The following RYR2 variants were observed in gnomAD, a reference collection of about 807,000 sequenced individuals.
The protein encoded by RYR2 is ryanodine receptor 2, also known as cardiac muscle ryanodine receptor-calcium release channel.
RYR2 carries 227 observed loss-of-function variants against 601.1 expected under a neutral mutation model. The ratio of observed to expected loss-of-function variants is 0.38; its 90% CI spans 0.34 to 0.42. RYR2 has a LOEUF of 0.42. RYR2 is among the 10% of genes least tolerant of loss of function. The pLI is 1.00. For synonymous variants in RYR2, 2,223 were observed against 2,175.1 expected, an observed-to-expected ratio of 1.02 and a Z score of -0.61; for missense variants, 4,646 against 6,156.5, an observed-to-expected ratio of 0.75 and a Z score of 8.21.
At chr1:237,522,480 C>A (rs979648513) in intron 24 of RYR2, among the ~76,000 whole-genome samples, 1 of 152,210 alleles carries the variant, frequency 6.6e-6, no homozygotes, top group Non-Finnish European at 1.5e-5. Flanking sequence ...TTCCTTGACT[C>A]AACAATTTTA....
At chr1:237,159,026 G>A (rs563339902) in intron 1 of RYR2, among the ~76,000 whole-genome samples, 87 of 152,304 alleles carry the variant, frequency 5.7e-4, no homozygotes, top group African/African-American at 1.9e-3. Flanking sequence ...AGTGGCTCAC[G>A]CCTATTACAT....
At chr1:237,181,065 C>A (rs1558380847) in intron 1 of RYR2, among the ~76,000 whole-genome samples, 1 of 151,854 alleles carries the variant, frequency 6.6e-6, no homozygotes, top group Non-Finnish European at 1.5e-5. Context: ...CTCATTGCAA[C>A]CTCCACCTCC....
At chr1:237,277,626 T>A (rs1401340542) in intron 2 of RYR2, among the ~76,000 whole-genome samples, 1 of 152,024 alleles carries the variant, frequency 6.6e-6, no homozygotes, top group Non-Finnish European at 1.5e-5. Flanking sequence ...TTAGGCGAGG[T>A]TTGGTCTCTA....
At position 237,700,261 on chromosome 1, in the gene RYR2, A is replaced by G. The variant is rs794728824; in HGVS notation, c.9161A>G (p.Lys3054Arg). The G allele has an allele frequency of 6.3e-7, 1 of 1,578,380 alleles. No homozygotes were observed. The change falls in exon 65 of 105, where the codon AAA (lysine) becomes AGA (arginine). Residue 3054 changes from lysine to arginine, a missense_variant. Transcript: ENST00000366574. The stretch of plus-strand genomic sequence containing the variant: ...ATGAAGACTGGCCTGGAGAGTGTTA[A>G]AAGTGCACTCAGAGCTTTTCTGGAC... ...TVMKTGLESV[K>R]SALRAFLDNA...
intron 1 of RYR2, among the ~76,000 whole-genome samples, chr1:237,221,194 TA>T (rs1327902800): frequency 2.6e-5 from 4 of 152,240 alleles, no homozygotes; most frequent in African/African-American, 9.6e-5. Context: ...CTCATATGTT[TA>T]TATTTTTGAA....
chr1:237,650,225 TC>T, intron 50 of RYR2, 128 bp downstream of exon 50: 1 of 835,710 alleles, frequency 1.2e-6, no homozygotes, highest in Non-Finnish European at 1.9e-6. Context: ...TTTTAGGTAG[TC>T]CCATATACTG....
In RYR2 at chr1:237,791,441, C is replaced by T. The variant is rs121918600; in HGVS notation, c.13489C>T (p.Arg4497Cys). Residue 4497 changes from arginine (R) to cysteine (C), a missense_variant, in exon 93 of 105, where the codon CGC (arginine) becomes TGC (cysteine). Arg to Cys is a radical substitution (Grantham distance 180). Transcript: ENST00000366574. ...TTTTCACCCTCAGAACTATTTTGCTCGCAACTTTTACAACATGAGAATGTT... is the reference window on the plus strand; with the variant it reads ...TTTTCACCCTCAGAACTATTTTGCTTGCAACTTTTACAACATGAGAATGTT... ...YQQKLLNYFA[R>C]NFYNMRMLAL... 1.9e-6 allele frequency: 3 copies of T among 1,570,344 alleles called. No individual in the cohort carries two copies. The highest frequency in any genetic ancestry group is 1.8e-5 in the Admixed American group (1 of 54,448).
chr1:237,697,316 G>C (rs188195967), intron 63 of RYR2, among the ~76,000 whole-genome samples: 2 of 141,240 alleles, frequency 1.4e-5, no homozygotes, highest in South Asian at 2.5e-4. Context: ...GTTTCTGTAG[G>C]TGTGTGTGTG....
At chr1:237,420,888 A>G (rs181473334) in intron 11 of RYR2, among the ~76,000 whole-genome samples, 280 of 147,166 alleles carry the variant, frequency 1.9e-3, no homozygotes, top group Non-Finnish European at 3.2e-3. Context: ...AATGGAAACA[A>G]ATATTAAACA....
At chr1:237,631,847 C>G (rs575289186) in intron 42 of RYR2, among the ~76,000 whole-genome samples, 32 of 133,438 alleles carry the variant, frequency 2.4e-4, no homozygotes, top group South Asian at 4.9e-4. Flanking sequence ...CCAGGATGGT[C>G]TCGATCTCCT....
At chr1:237,498,055 G>A (rs937494128) in intron 20 of RYR2, among the ~76,000 whole-genome samples, 14 of 151,772 alleles carry the variant, frequency 9.2e-5, no homozygotes, top group Non-Finnish European at 1.6e-4. Context: ...TAGTAGAGTC[G>A]GGGTTTCACC....
intron 25 of RYR2, among the ~76,000 whole-genome samples, chr1:237,531,926 A>G (rs1426631778): frequency 6.6e-6 from 1 of 152,068 alleles, no homozygotes; most frequent in Non-Finnish European, 1.5e-5. Context: ...ATTTTACATT[A>G]TTTCATTTTC....
intron 80 of RYR2, among the ~76,000 whole-genome samples, chr1:237,755,785 C>G (rs879927331): frequency 1.3e-5 from 2 of 152,118 alleles, no homozygotes; most frequent in Admixed American, 6.6e-5. Flanking sequence ...TTCGTTGAAG[C>G]CTACCTTTTG....
chr1:237,322,673 A>C (rs1037728487), intron 2 of RYR2, among the ~76,000 whole-genome samples: 3 of 152,146 alleles, frequency 2.0e-5, no homozygotes, highest in Admixed American at 2.0e-4. Context: ...GCAGACGGCA[A>C]AGCTGAGATA....
chr1:237,151,437 G>C (rs554350564), intron 1 of RYR2, among the ~76,000 whole-genome samples: 1 of 152,144 alleles, frequency 6.6e-6, no homozygotes, highest in African/African-American at 2.4e-5. Flanking sequence ...AATGGTTGCT[G>C]ATGTTATTTA....
At chr1:237,476,509 CAAAAAAAAAAAAA>C (rs56116691) in intron 17 of RYR2, among the ~76,000 whole-genome samples, 11 of 70,202 alleles carry the variant, frequency 1.6e-4, no homozygotes, top group Non-Finnish European at 1.2e-4. Context: ...GACTCTGTCT[CAAAAAAAAAAAAA>C]AAAAAAAAAA....
chr1:237,173,629 T>A (rs1485589667), intron 1 of RYR2, among the ~76,000 whole-genome samples: 2 of 152,202 alleles, frequency 1.3e-5, no homozygotes, highest in African/African-American at 2.4e-5. Flanking sequence ...TTTCTCTGCA[T>A]GTTAAGTTTT....
At chr1:237,486,989 A>G (rs4659797) in intron 17 of RYR2, among the ~76,000 whole-genome samples, 9,797 of 152,270 alleles carry the variant, frequency 0.064, 435 homozygotes, top group Admixed American at 0.13. Flanking sequence ...TAAACTTATT[A>G]AAACATAAAA....
intron 58 of RYR2, among the ~76,000 whole-genome samples, chr1:237,668,431 A>G (rs980408715): frequency 6.6e-6 from 1 of 152,118 alleles, no homozygotes; most frequent in Non-Finnish European, 1.5e-5. Flanking sequence ...AAGTCTTTTA[A>G]AATTTATTTG....
Sources: allele counts gnomAD v4.1 joint callset (sites outside exome capture counted in the v4.1 genomes callset), GRCh38; gene constraint gnomAD v4.1.1; transcripts MANE v1.5; gene names NCBI Gene and HGNC (gene_info 2026-07-23, HGNC 2026-07-21).